The following KIF6 variants were observed in gnomAD, a reference collection of about 807,000 sequenced individuals.
The protein encoded by KIF6 is kinesin family member 6.
KIF6 carries 106 observed loss-of-function variants against 112.7 expected under a neutral mutation model. The observed-to-expected ratio is 0.94, with a 90% CI of 0.80 to 1.11. The LOEUF is 1.11. KIF6 is among the 50% of genes least tolerant of loss of function. The pLI is 0.00. For synonymous variants in KIF6, 339 were observed against 339.9 expected, an observed-to-expected ratio of 1.00 and a Z score of 0.03; for missense variants, 929 against 964.0, an observed-to-expected ratio of 0.96 and a Z score of 0.48.
chr6:39,662,210 G>A (rs894077597), intron 3 of KIF6, among the ~76,000 whole-genome samples: 25 of 152,118 alleles, frequency 1.6e-4, no homozygotes, highest in African/African-American at 6.0e-4. Context: ...ATTCAATTTT[G>A]GAAATAGCAT....
At chr6:39,686,711 T>C (rs1178671936) in intron 3 of KIF6, among the ~76,000 whole-genome samples, 1 of 152,142 alleles carries the variant, frequency 6.6e-6, no homozygotes, top group Non-Finnish European at 1.5e-5. Context: ...ACCAGGACCT[T>C]CACTATAGAA....
intron 10 of KIF6, among the ~76,000 whole-genome samples, chr6:39,572,819 C>T (rs1024312018): frequency 1.3e-5 from 2 of 150,728 alleles, no homozygotes; most frequent in Non-Finnish European, 1.5e-5. Flanking sequence ...CACCCCACCC[C>T]CCAAAAAAGA....
At chr6:39,696,513 T>C (rs557584305) in intron 3 of KIF6, among the ~76,000 whole-genome samples, 21 of 152,250 alleles carry the variant, frequency 1.4e-4, no homozygotes, top group African/African-American at 4.8e-4. Flanking sequence ...TTGGACTGCC[T>C]ACCTGCAGGT....
intron 14 of KIF6, among the ~76,000 whole-genome samples, chr6:39,429,566 C>T (rs1770989789): frequency 6.6e-6 from 1 of 152,184 alleles, no homozygotes; most frequent in Non-Finnish European, 1.5e-5. Flanking sequence ...TCTTTCCCAT[C>T]CTGAAACCAA....
intron 13 of KIF6, among the ~76,000 whole-genome samples, chr6:39,484,735 C>T (rs571290753): frequency 1.3e-5 from 2 of 152,316 alleles, no homozygotes; most frequent in South Asian, 4.1e-4. Context: ...GGCTATTTTT[C>T]TCCACATTAA....
chr6:39,635,314 C>G (rs549516172), intron 4 of KIF6, among the ~76,000 whole-genome samples: 1 of 151,916 alleles, frequency 6.6e-6, no homozygotes, highest in Non-Finnish European at 1.5e-5. Context: ...AAAAAATAAA[C>G]ATATTCTGTG....
intron 15 of KIF6, among the ~76,000 whole-genome samples, chr6:39,412,469 G>A (rs796405614): frequency 3.4e-4 from 52 of 152,212 alleles, no homozygotes; most frequent in African/African-American, 1.2e-3. Context: ...GTTCTTTCAC[G>A]TGATCAAATA....
At chr6:39,683,125 C>T (rs1787637084) in intron 3 of KIF6, among the ~76,000 whole-genome samples, 1 of 152,138 alleles carries the variant, frequency 6.6e-6, no homozygotes. Flanking sequence ...AAGGTATAGT[C>T]TGAGTTTTAT....
chr6:39,436,030 T>C (rs1771505651), intron 13 of KIF6, among the ~76,000 whole-genome samples: 1 of 152,158 alleles, frequency 6.6e-6, no homozygotes, highest in Non-Finnish European at 1.5e-5. Flanking sequence ...CATCTATTGT[T>C]TTTTGACATT....
intron 15 of KIF6, among the ~76,000 whole-genome samples, chr6:39,415,422 C>T (rs1769848175): frequency 6.6e-6 from 1 of 151,638 alleles, no homozygotes; most frequent in African/African-American, 2.4e-5. Flanking sequence ...TAAAACCCAC[C>T]TTACAGGTGT....
chr6:39,700,683 G>A (rs929615086), intron 3 of KIF6, among the ~76,000 whole-genome samples: 1 of 151,282 alleles, frequency 6.6e-6, no homozygotes, highest in South Asian at 2.1e-4. Flanking sequence ...TGGTTCATCT[G>A]AAGTTTCACA....
chr6:39,525,484 A>G (rs1335931436), intron 13 of KIF6, among the ~76,000 whole-genome samples: 1 of 152,144 alleles, frequency 6.6e-6, no homozygotes, highest in Non-Finnish European at 1.5e-5. Context: ...GCTGGGTGCA[A>G]TGGCTCATGC....
intron 3 of KIF6, among the ~76,000 whole-genome samples, chr6:39,652,517 A>G (rs1435243764): frequency 1.5e-5 from 2 of 135,936 alleles, no homozygotes; most frequent in Non-Finnish European, 3.1e-5. Context: ...ACAGGAGTGA[A>G]ACTCCATCTC....
intron 3 of KIF6, among the ~76,000 whole-genome samples, chr6:39,678,548 C>T (rs1582431399): frequency 6.6e-6 from 1 of 152,162 alleles, no homozygotes; most frequent in African/African-American, 2.4e-5. Flanking sequence ...CCACTGTGTT[C>T]CACTTTGAGT....
At chr6:39,356,439 T>C (rs1169843899) in intron 19 of KIF6, among the ~76,000 whole-genome samples, 1 of 152,118 alleles carries the variant, frequency 6.6e-6, no homozygotes, top group African/African-American at 2.4e-5. Flanking sequence ...CTAATTTTTG[T>C]ATTTTTAGTA....
chr6:39,546,945 C>T (rs919130021), intron 10 of KIF6, among the ~76,000 whole-genome samples: 1 of 152,130 alleles, frequency 6.6e-6, no homozygotes, highest in Non-Finnish European at 1.5e-5. Flanking sequence ...TTCCCGTCCC[C>T]CTAACATTAG....
At chr6:39,621,899 C>A (rs1783839870) in intron 5 of KIF6, among the ~76,000 whole-genome samples, 1 of 152,106 alleles carries the variant, frequency 6.6e-6, no homozygotes, top group South Asian at 2.1e-4. Flanking sequence ...GGCGTGGTGG[C>A]TCATGCCTGT....
At chr6:39,596,869 G>C (rs1247348376) in intron 6 of KIF6, among the ~76,000 whole-genome samples, 1 of 152,130 alleles carries the variant, frequency 6.6e-6, no homozygotes, top group Non-Finnish European at 1.5e-5. Context: ...GAACTAAAAA[G>C]TTTAGCATGG....
rs1027829508 is a variant in KIF6 at position 39,610,231 on chromosome 6, TA to T, written c.639+2957del. On this transcript the variant is annotated intron_variant, in intron 6 of 22. Transcript: ENST00000287152. ...TTCTCTTTGGCCCAGCAGTTCAACT[TA>T]AAAAAAAATTTATCCTAGGGACATA... 4.1e-4 allele frequency among the ~76,000 whole-genome samples: 63 copies of T among 151,952 alleles called. 1 individual carries two copies. The highest frequency in any genetic ancestry group is 3.9e-3 in the Admixed American group (59 of 15,272).
Sources: gnomAD v4.1 joint callset for allele counts (sites outside exome capture counted in the v4.1 genomes callset) on GRCh38, gnomAD v4.1.1 for gene constraint, MANE v1.5 for transcripts, NCBI Gene and HGNC (gene_info 2026-07-23, HGNC 2026-07-21) for gene names.